The following CATSPERG variants were observed in gnomAD, a reference collection of about 807,000 sequenced individuals.
CATSPERG encodes catsper channel auxiliary subunit gamma.
A neutral mutation model predicts 145.0 loss-of-function variants in CATSPERG; 115 were observed. That is an observed-to-expected ratio of 0.79 (90% CI 0.68 to 0.93). CATSPERG has a LOEUF of 0.93. Ranked by LOEUF, CATSPERG falls within the 40% of genes least tolerant of loss-of-function variation. CATSPERG has a pLI of 0.00. For missense variants in CATSPERG, 1,296 were observed against 1,490.1 expected, an observed-to-expected ratio of 0.87 and a Z score of 2.14; for synonymous variants, 588 against 589.0, an observed-to-expected ratio of 1.00 and a Z score of 0.02.
chr19:38,344,908 T>C (rs907806859), intron 6 of CATSPERG, among the ~76,000 whole-genome samples: 3 of 128,362 alleles, frequency 2.3e-5, no homozygotes, highest in African/African-American at 8.7e-5. Flanking sequence ...TATATTTTTT[T>C]TTTTTTTTTT....
intron 7 of CATSPERG, among the ~76,000 whole-genome samples, chr19:38,348,147 T>C (rs1453970434): frequency 6.6e-6 from 1 of 152,134 alleles, no homozygotes; most frequent in Non-Finnish European, 1.5e-5. Context: ...ATTCAGACAT[T>C]GTTTAATTTA....
chr19:38,350,450 T>C (rs1970119951), intron 7 of CATSPERG, among the ~76,000 whole-genome samples: 1 of 152,180 alleles, frequency 6.6e-6, no homozygotes, highest in African/African-American at 2.4e-5. Flanking sequence ...CAATCTTGGC[T>C]CATTACAACT....
At position 38,359,583 on chromosome 19, in the gene CATSPERG, T is replaced by C. The variant is rs761633070; in HGVS notation, c.1608+2T>C. The C allele has an allele frequency of 1.2e-6, 2 of 1,609,542 alleles. No individual in the cohort carries two copies. The highest frequency in any genetic ancestry group is 2.2e-5 in the South Asian group (2 of 90,792). ...GCTATTGTCACAGAGACGGAGGAGG[T>C]GGGCTGCCCCGCCCCTCTCCCCGTT... On this transcript the variant is annotated splice_donor_variant, in intron 14 of 28. Transcript: ENST00000409235. LOFTEE classifies it high-confidence loss of function.
At chr19:38,370,100 G>A in intron 27 of CATSPERG, 36 bp downstream of exon 27, 6 of 1,613,158 alleles carry the variant, frequency 3.7e-6, no homozygotes, top group East Asian at 2.2e-5. Flanking sequence ...CGGGTCAGGG[G>A]CTGCCCATGG....
intron 20 of CATSPERG, among the ~76,000 whole-genome samples, chr19:38,363,411 A>G (rs1184341945): frequency 1.3e-5 from 2 of 151,492 alleles, no homozygotes; most frequent in East Asian, 3.9e-4. Flanking sequence ...TCCTGGACTC[A>G]AGAGATCCTC....
intron 8 of CATSPERG, among the ~76,000 whole-genome samples, chr19:38,353,115 C>T (rs1216726814): frequency 6.7e-6 from 1 of 149,852 alleles, no homozygotes. Context: ...GGGTGGATCA[C>T]TTGAGGTCAG....
intron 6 of CATSPERG, 134 bp from the exon 7 acceptor site, chr19:38,346,316 G>A: frequency 1.3e-6 from 1 of 748,964 alleles, no homozygotes; most frequent in Admixed American, 3.3e-5. Flanking sequence ...GAATGGTAAG[G>A]AATGAGGTCA....
In CATSPERG at chr19:38,362,519, C is replaced by T. The variant is rs748858140; in HGVS notation, c.2301C>T (p.Ser767=). 6.2e-7 allele frequency: 1 copy of T among 1,613,952 alleles called. No individual in the cohort carries two copies. Among genetic ancestry groups the T allele is most frequent in the South Asian group, 1.1e-5 (1 of 91,092 alleles). Residue 767 remains serine, a synonymous_variant, in exon 19 of 29, where the codon AGC becomes AGT. Coordinates refer to ENST00000409235, the MANE Select transcript of CATSPERG (RefSeq NM_021185.5). ...TCCTGGACAAGGGCACTGAGTACAG[C>T]TTCGCCATCTTCCTGTCGGCGCAGG... ...RIFLDKGTEY[S]FAIFLSAQGH... is the part of the protein sequence containing the mutation.
intron 26 of CATSPERG, among the ~76,000 whole-genome samples, 160 bp downstream of exon 26, chr19:38,368,297 C>T (rs759081961): frequency 1.8e-4 from 28 of 152,232 alleles, no homozygotes; most frequent in Non-Finnish European, 3.4e-4. Context: ...GAAGTCTCTG[C>T]CTGGAATGCT....
chr19:38,344,294 A>G lies in CATSPERG; in HGVS notation c.597-2A>G, dbSNP rs1969989413. On this transcript the variant is annotated splice_acceptor_variant, in intron 5 of 28. Transcript: ENST00000409235. LOFTEE classifies it high-confidence loss of function. ...CTGCGCCTATTCTGCACCTGCTGCTAGGTTCCAGATGAATATCAACGGCTT... is the reference window on the plus strand; with the variant it reads ...CTGCGCCTATTCTGCACCTGCTGCTGGGTTCCAGATGAATATCAACGGCTT... 1 of 1,551,666 alleles carries G rather than the reference A, an allele frequency of 6.4e-7. No individual in the cohort carries two copies.
At chr19:38,356,924 G>T in intron 11 of CATSPERG, 63 bp downstream of exon 11, 1 of 1,594,212 alleles carries the variant, frequency 6.3e-7, no homozygotes. Context: ...TGGACTGCAT[G>T]CCCATCCTGA....
rs757784008 is a variant in CATSPERG at position 38,354,820 on chromosome 19, G to T, written c.1108G>T (p.Gly370Cys). Residue 370 changes from glycine to cysteine, a missense_variant, in exon 9 of 29, where the codon GGT (glycine) becomes TGT (cysteine). Physicochemically the swap from Gly to Cys is radical, Grantham distance 159. Coordinates refer to ENST00000409235, the MANE Select transcript of CATSPERG (RefSeq NM_021185.5). ...IMALTTGKHE[G>C]YVHFGTIRDG... The stretch of plus-strand genomic sequence containing the variant: ...GGCCCTCACCACGGGCAAGCATGAG[G>T]GTTATGTACACTTCGGGACCATCAG... 1.2e-6 allele frequency: 2 copies of T among 1,614,142 alleles called. No homozygotes were observed. The highest frequency in any genetic ancestry group is 2.2e-5 in the South Asian group (2 of 91,072).
rs1487582602 is a variant in CATSPERG at position 38,344,357 on chromosome 19, G to A, written c.658G>A (p.Val220Met). The A allele has an allele frequency of 1.3e-6, 2 of 1,551,728 alleles. No homozygotes were observed. The highest frequency in any genetic ancestry group is 1.7e-6 in the Non-Finnish European group (2 of 1,146,924). The part of the protein sequence containing the change: ...RDRDNNIQFT[V>M]GEELFNLMPQ... The stretch of plus-strand genomic sequence containing the variant: ...CCGGGACAATAACATCCAATTCACT[G>A]TGGGAGAGGAGGTGAGGGAATATGG... The change falls in exon 6 of 29, where the codon GTG becomes ATG. Residue 220 changes from valine (V) to methionine (M), a missense_variant. Val to Met is a conservative substitution (Grantham distance 21). Coordinates refer to ENST00000409235, the MANE Select transcript of CATSPERG (RefSeq NM_021185.5).
chr19:38,357,000 C>A, intron 11 of CATSPERG, 139 bp downstream of exon 11: 2 of 1,081,016 alleles, frequency 1.9e-6, no homozygotes, highest in East Asian at 2.4e-5. Flanking sequence ...TGAGGAGTAG[C>A]AGTGGAGAAC....
rs772005025 is a variant in CATSPERG, at chr19:38,356,894, AG to A, written c.1315+37del. 783 of 1,611,402 alleles carry A rather than the reference AG, an allele frequency of 4.9e-4. 2 individuals are homozygous for A. Among genetic ancestry groups the A allele is most frequent in the Admixed American group, 1.4e-3 (81 of 59,910 alleles). Reference sequence around the variant, plus strand: ...GGGTGATGCAAGGGGCTGGGCACAAAGGGGCAGGATCCCAGACTGTGGACTG... The same window carrying A: ...GGGTGATGCAAGGGGCTGGGCACAAAGGGCAGGATCCCAGACTGTGGACTG... On this transcript the variant is annotated intron_variant, in intron 11 of 28. Coordinates refer to ENST00000409235, the MANE Select transcript of CATSPERG (RefSeq NM_021185.5).
In CATSPERG at chr19:38,369,988, A is replaced by T; in HGVS notation, c.3037A>T (p.Asn1013Tyr). ...SPGIEWLCLE[N>Y]APCYDNVPQG... The stretch of plus-strand genomic sequence containing the variant: ...GGCTTGCAGGTGGCTCTGTCTGGAG[A>T]ATGCCCCATGCTATGACAATGTTCC... The change falls in exon 27 of 29, where the codon AAT becomes TAT. Residue 1013 changes from asparagine (N) to tyrosine (Y), a missense_variant. Asn to Tyr is a moderately radical substitution (Grantham distance 143). Coordinates refer to ENST00000409235, the MANE Select transcript of CATSPERG (RefSeq NM_021185.5). The T allele has an allele frequency of 4.3e-6, 7 of 1,614,220 alleles. No homozygotes were observed. The highest frequency in any genetic ancestry group is 5.9e-6 in the Non-Finnish European group (7 of 1,180,036).
intron 3 of CATSPERG, among the ~76,000 whole-genome samples, chr19:38,338,966 C>T (rs1004211422): frequency 2.6e-5 from 4 of 151,768 alleles, no homozygotes; most frequent in African/African-American, 7.3e-5. Context: ...GGGGTGGCGA[C>T]GAAGTCCGGC....
At chr19:38,370,099 G>A (rs767776466) in intron 27 of CATSPERG, 35 bp downstream of exon 27, 1 of 1,613,560 alleles carries the variant, frequency 6.2e-7, no homozygotes, top group Non-Finnish European at 8.5e-7. Context: ...GCGGGTCAGG[G>A]GCTGCCCATG....
chr19:38,360,447 C>G (rs1164675903), intron 14 of CATSPERG, 42 bp from the exon 15 acceptor site: 1 of 1,610,438 alleles, frequency 6.2e-7, no homozygotes, highest in Admixed American at 1.7e-5. Flanking sequence ...TCAGAGGACC[C>G]CATGGTCCTG....
Sources: allele counts gnomAD v4.1 joint callset (sites outside exome capture counted in the v4.1 genomes callset), GRCh38; gene constraint gnomAD v4.1.1; transcripts MANE v1.5; gene names NCBI Gene and HGNC (gene_info 2026-07-23, HGNC 2026-07-21).